The following HK2 variants were observed in gnomAD, a reference collection of about 807,000 sequenced individuals.
HK2 encodes the protein hexokinase 2.
Under a neutral mutation model 92.9 loss-of-function variants are expected in HK2, and 42 were observed. That is an observed-to-expected ratio of 0.45 (90% CI 0.35 to 0.58). HK2 has a LOEUF of 0.58. Ranked by LOEUF, HK2 falls within the 20% of genes least tolerant of loss-of-function variation. The pLI is 0.00. For synonymous variants in HK2, 422 were observed against 468.0 expected (o/e 0.90, Z 1.27); for missense variants, 978 against 1,245.1 (o/e 0.79, Z 3.23).
intron 1 of HK2, among the ~76,000 whole-genome samples, chr2:74,852,689 A>G (rs189175336): frequency 6.8e-6 from 1 of 146,708 alleles, no homozygotes; most frequent in Non-Finnish European, 1.5e-5. Context: ...TTAAAAGATT[A>G]AAAAAAAAAA....
chr2:74,846,540 T>C (rs1213542487), intron 1 of HK2, among the ~76,000 whole-genome samples: 2 of 152,240 alleles, frequency 1.3e-5, no homozygotes, highest in Non-Finnish European at 2.9e-5. Context: ...AGATGCCATT[T>C]GTGTCTGGCA....
At chr2:74,862,886 G>T (rs1688863613) in intron 2 of HK2, among the ~76,000 whole-genome samples, 1 of 152,148 alleles carries the variant, frequency 6.6e-6, no homozygotes, top group Non-Finnish European at 1.5e-5. Flanking sequence ...CTGACTAGAA[G>T]GAGGTTATCG....
At chr2:74,873,139 C>A in intron 4 of HK2, 137 bp from the exon 5 acceptor site, 1 of 759,480 alleles carries the variant, frequency 1.3e-6, no homozygotes, top group East Asian at 2.5e-5. Context: ...CCTAGGCTAG[C>A]CAGGAAGTAA....
rs761378616 is a variant in HK2 at position 74,867,709 on chromosome 2, T to A, written c.300T>A (p.Asn100Lys). 7 of 1,613,978 alleles carry A rather than the reference T, an allele frequency of 4.3e-6. No individual in the cohort carries two copies. The highest frequency in any genetic ancestry group is 3.3e-5 in the Admixed American group (2 of 59,996). The change falls in exon 3 of 18, where the codon AAT becomes AAA. Residue 100 changes from asparagine (N) to lysine (K), a missense_variant. Around this residue, in one of 3 missense-constraint regions of HK2, gnomAD observed 189 missense variants for 289.5 expected, o/e 0.65. Coordinates refer to ENST00000290573, the MANE Select transcript of HK2 (RefSeq NM_000189.5). Reference sequence around the variant, plus strand: ...TGCTTTGGGTGAAAGTAACGGACAATGGGCTCCAGAAGGTGGAGATGGAGA... The same window carrying A: ...TGCTTTGGGTGAAAGTAACGGACAAAGGGCTCCAGAAGGTGGAGATGGAGA... ...FRVLWVKVTDNGLQKVEMENQ... is the reference protein window; with the variant it reads ...FRVLWVKVTDKGLQKVEMENQ...
At chr2:74,835,128 C>G (rs1323866980) in intron 1 of HK2, 1 of 205,168 alleles carries the variant, frequency 4.9e-6, no homozygotes, top group Non-Finnish European at 1.0e-5. Context: ...GTTCCCTTCT[C>G]CTTCCCCGCG....
intron 13 of HK2, among the ~76,000 whole-genome samples, 197 bp downstream of exon 13, chr2:74,885,786 A>G (rs568997451): frequency 6.6e-6 from 1 of 151,790 alleles, no homozygotes; most frequent in Non-Finnish European, 1.5e-5. Flanking sequence ...GAGTGACCAC[A>G]ACAAAGCTTT....
In HK2 at chr2:74,886,284, TC is replaced by T; in HGVS notation, c.1936-7del. The T allele has an allele frequency of 6.2e-7, 1 of 1,610,676 alleles. No homozygotes were observed. The highest frequency in any genetic ancestry group is 8.5e-7 in the Non-Finnish European group (1 of 1,176,862). Reference sequence around the variant, plus strand: ...ACCTGTGAACTGGGCATCTGCTTCTTCCCTCTCAGGAGTTTGACCTGGATGT... The same window carrying T: ...ACCTGTGAACTGGGCATCTGCTTCTTCCTCTCAGGAGTTTGACCTGGATGT... On this transcript the variant is annotated splice_polypyrimidine_tract_variant and intron_variant, in intron 13 of 17. Transcript: ENST00000290573.
intron 17 of HK2, among the ~76,000 whole-genome samples, chr2:74,890,539 T>C (rs1425278353): frequency 2.0e-5 from 3 of 152,224 alleles, no homozygotes; most frequent in Non-Finnish European, 4.4e-5. Flanking sequence ...CAGACGTTTG[T>C]CCCAGAATTG....
At chr2:74,886,728 G>C in intron 15 of HK2, 55 bp downstream of exon 15, 2 of 1,564,762 alleles carry the variant, frequency 1.3e-6, no homozygotes, top group Admixed American at 1.7e-5. Flanking sequence ...ATGGCAACAA[G>C]TGATCAGAGC....
rs567201785 is a variant in HK2 at position 74,854,317 on chromosome 2, C to T, written c.88C>T (p.Arg30Cys). The part of the protein sequence containing the change: ...QKVDQYLYHM[R>C]LSDETLLEIS... ...GGTTGACCAGTATCTCTACCACATG[C>T]GCCTCTCTGATGAGACCCTCTTGGA... The change falls in exon 2 of 18, where the codon CGC becomes TGC. Residue 30 changes from arginine (R) to cysteine (C), a missense_variant. This residue lies in a region of HK2 where 189 missense variants were observed against 289.5 expected (regional missense o/e 0.65). Transcript: ENST00000290573. The T allele has an allele frequency of 4.3e-6, 7 of 1,612,914 alleles. No individual in the cohort carries two copies. Among genetic ancestry groups the T allele is most frequent in the East Asian group, 2.2e-5 (1 of 44,882 alleles).
At chr2:74,848,405 A>G (rs694644) in intron 1 of HK2, among the ~76,000 whole-genome samples, 33,590 of 152,166 alleles carry the variant, frequency 0.22, 4,320 homozygotes, top group African/African-American at 0.35. Flanking sequence ...TAAGTGTACA[A>G]TTTAGTGGCA....
At chr2:74,865,253 C>A (rs189064907) in intron 2 of HK2, among the ~76,000 whole-genome samples, 53 of 152,100 alleles carry the variant, frequency 3.5e-4, no homozygotes, top group African/African-American at 1.1e-3. Context: ...GACCTCCTTC[C>A]TGGGAACAGG....
intron 7 of HK2, 66 bp downstream of exon 7, chr2:74,874,515 G>A: frequency 1.4e-6 from 2 of 1,463,730 alleles, no homozygotes; most frequent in Non-Finnish European, 1.9e-6. Flanking sequence ...GGGCTGGTCG[G>A]GGCCAGGGGG....
intron 16 of HK2, among the ~76,000 whole-genome samples, chr2:74,888,854 C>T (rs555432119): frequency 2.0e-5 from 3 of 152,096 alleles, no homozygotes; most frequent in Admixed American, 6.5e-5. Flanking sequence ...AAATAAAGCA[C>T]GAGTCTAATG....
chr2:74,893,356 C>G lies in HK2; in HGVS notation c.*2415C>G, dbSNP rs2104045332. 6.6e-6 allele frequency: 1 copy of G among 152,230 alleles called. No individual in the cohort carries two copies. The highest frequency in any genetic ancestry group is 1.5e-5 in the Non-Finnish European group (1 of 68,028). The allele number at this position is 152,230 out of a possible 1,614,324, so 9.4% of individuals were successfully genotyped here. A position where few individuals can be genotyped will look rare whatever the true frequency, so the allele number is the denominator to read the frequency against. On this transcript the variant is annotated 3_prime_UTR_variant, in exon 18 of 18. Transcript: ENST00000290573. ...AAATTTTAACATTTTCCAAAATAAT[C>G]AAATGTGATTCATGAGTGTTTTTAA...
At chr2:74,883,841 G>A (rs28363043) in intron 12 of HK2, among the ~76,000 whole-genome samples, 7 of 152,290 alleles carry the variant, frequency 4.6e-5, no homozygotes, top group Admixed American at 4.6e-4. Flanking sequence ...TAGTGAGATA[G>A]TAGTTAAATA....
intron 2 of HK2, 41 bp downstream of exon 2, chr2:74,854,496 AG>A: frequency 6.2e-7 from 1 of 1,611,758 alleles, no homozygotes; most frequent in Non-Finnish European, 8.5e-7. Flanking sequence ...TGCGTTACTC[AG>A]GGGTGATTTA....
At chr2:74,839,021 A>G (rs1688241217) in intron 1 of HK2, among the ~76,000 whole-genome samples, 1 of 152,190 alleles carries the variant, frequency 6.6e-6, no homozygotes. Context: ...TAATAGACAT[A>G]GCTCATGTAG....
At chr2:74,860,448 TCTA>T (rs1242559148) in intron 2 of HK2, among the ~76,000 whole-genome samples, 2 of 152,224 alleles carry the variant, frequency 1.3e-5, no homozygotes, top group African/African-American at 2.4e-5. Context: ...GCAATCACAT[TCTA>T]CTATTTTCCA....
Sources: allele counts gnomAD v4.1 joint callset (sites outside exome capture counted in the v4.1 genomes callset), GRCh38; gene constraint gnomAD v4.1.1; regional missense constraint gnomAD v4.1.1; transcripts MANE v1.5; gene names NCBI Gene and HGNC (gene_info 2026-07-23, HGNC 2026-07-21).